Variants in ATXN1L observed in about 807,000 individuals in gnomAD.
The protein encoded by ATXN1L is ataxin 1 like.
Under a neutral mutation model 43.4 loss-of-function variants are expected in ATXN1L, and 8 were observed. The observed-to-expected ratio is 0.18, with a 90% CI of 0.11 to 0.33. The LOEUF (loss-of-function observed/expected upper bound fraction) is 0.33. Among genes scored for constraint, ATXN1L ranks in the 10% least tolerant of loss-of-function variants. The pLI is 1.00. For synonymous variants in ATXN1L, 379 were observed against 360.6 expected (o/e 1.05, Z -0.58); for missense variants, 856 against 885.4 (o/e 0.97, Z 0.42).
chr16:71,850,978 T>C lies in ATXN1L; in HGVS notation c.1238T>C (p.Met413Thr). ...PVKHRPLPKA[M>T]VVANGNLVPT... ...AAACATAGACCTTTACCCAAAGCAATGGTTGTAGCCAATGGCAACCTGGTG... is the reference window on the plus strand; with the variant it reads ...AAACATAGACCTTTACCCAAAGCAACGGTTGTAGCCAATGGCAACCTGGTG... Residue 413 changes from methionine (M) to threonine (T), a missense_variant, in exon 3 of 3, where the codon ATG (methionine) becomes ACG (threonine). By Grantham distance (81) the Met-to-Thr change is moderately conservative. Around this residue, in one of 7 missense-constraint regions of ATXN1L, gnomAD observed 490 missense variants for 449.4 expected, o/e 1.09. Transcript: ENST00000427980. 1.9e-6 allele frequency: 3 copies of C among 1,551,636 alleles called. No homozygotes were observed. The highest frequency in any genetic ancestry group is 2.6e-6 in the Non-Finnish European group (3 of 1,146,982).
Position 71,851,950 on chromosome 16 carries a change from A to G in ATXN1L, c.*140A>G, listed in dbSNP as rs956328245. On this transcript the variant is annotated 3_prime_UTR_variant, in exon 3 of 3. Transcript: ENST00000427980. The surrounding 1 kb of genome is among the most constrained non-coding windows in gnomAD (Gnocchi z 4.9). ...TGGGGGAAAGGGGAGGCATGAAGTCAGCCTCCCAAGGCAGGATCTGTTGTT... is the reference window on the plus strand; with the variant it reads ...TGGGGGAAAGGGGAGGCATGAAGTCGGCCTCCCAAGGCAGGATCTGTTGTT... The G allele has an allele frequency of 2.0e-6, 2 of 983,082 alleles. No homozygotes were observed. Among genetic ancestry groups the G allele is most frequent in the African/African-American group, 3.3e-5 (2 of 60,530 alleles). The allele number at this position is 983,082 out of a possible 1,614,324, so 60.9% of individuals were successfully genotyped here. A position where few individuals can be genotyped will look rare whatever the true frequency, so the allele number is the denominator to read the frequency against.
Position 71,851,057 on chromosome 16 carries a change from A to C in ATXN1L, c.1317A>C (p.Ala439=). 1 of 1,551,644 alleles carries C rather than the reference A, an allele frequency of 6.4e-7. No individual in the cohort carries two copies. The highest frequency in any genetic ancestry group is 8.7e-7 in the Non-Finnish European group (1 of 1,146,972). ...CTGTGGGCTCGGAGATCCTGGTAGC[A>C]TCAAGTCTGGACGTGCAGGCCAGAG... is the stretch of plus-strand genomic sequence containing the variant. ...LLPVGSEILV[A]SSLDVQARAT... is the part of the protein sequence containing the mutation. The change falls in exon 3 of 3, where the codon GCA becomes GCC. Residue 439 remains alanine, a synonymous_variant. Coordinates refer to ENST00000427980, the MANE Select transcript of ATXN1L (RefSeq NM_001137675.4). The surrounding 1 kb of genome is among the most constrained non-coding windows in gnomAD (Gnocchi z 4.9).
rs1233774735 is a variant in ATXN1L at position 71,855,585 on chromosome 16, C to T, written c.*3775C>T. ...AGGATGGTGGTGTGGTTTAAACCTG[C>T]AGCAAGCAGGCATGTTGAAGAGTTG... is the stretch of plus-strand genomic sequence containing the variant. On this transcript the variant is annotated 3_prime_UTR_variant, in exon 3 of 3. Transcript: ENST00000427980. The T allele has an allele frequency of 2.4e-5, 4 of 167,066 alleles. No homozygotes were observed. The highest frequency in any genetic ancestry group is 9.7e-5 in the African/African-American group (4 of 41,406). 10.3% of individuals were successfully genotyped at this position (167,066 alleles called of 1,614,324 possible).
chr16:71,849,599 T>C (rs2033477005), intron 2 of ATXN1L, 25 bp from the exon 3 acceptor site: 1 of 867,084 alleles, frequency 1.2e-6, no homozygotes, highest in Non-Finnish European at 1.7e-6. Context: ...TTACTTTTCT[T>C]TGCCTCTGAT....
In ATXN1L at chr16:71,851,873, G is replaced by A; in HGVS notation, c.*63G>A. The stretch of plus-strand genomic sequence containing the variant: ...AGCCTCGCCTCGCCGCCGTGAGCAG[G>A]CAGAGGATTTGCACACGCCGAGCAG... On this transcript the variant is annotated 3_prime_UTR_variant, in exon 3 of 3. Transcript: ENST00000427980. This position sits in a 1 kb window ranked among gnomAD's most constrained non-coding sequence, Gnocchi z 4.9. 1 of 1,380,488 alleles carries A rather than the reference G, an allele frequency of 7.2e-7. No individual in the cohort carries two copies. 85.5% of individuals were successfully genotyped at this position (1,380,488 alleles called of 1,614,324 possible).
chr16:71,850,878 G>T lies in ATXN1L; in HGVS notation c.1138G>T (p.Ala380Ser), dbSNP rs1313535383. 2.6e-5 allele frequency: 40 copies of T among 1,551,612 alleles called. No individual in the cohort carries two copies. Among genetic ancestry groups the T allele is most frequent in the Non-Finnish European group, 3.3e-5 (38 of 1,147,006 alleles). The change falls in exon 3 of 3, where the codon GCC (alanine) becomes TCC (serine). Residue 380 changes from alanine to serine, a missense_variant. Ala to Ser is a moderately conservative substitution (Grantham distance 99). Coordinates refer to ENST00000427980, the MANE Select transcript of ATXN1L (RefSeq NM_001137675.4). ...PDHQGEGRGS[A>S]RNPAELAEKS... ...CCATCAGGGTGAGGGGCGAGGGTCA[G>T]CCAGGAACCCTGCAGAGCTGGCAGA...
Position 71,850,737 on chromosome 16 carries a change from A to G in ATXN1L, c.997A>G (p.Thr333Ala). ...AAPAHRGTPD[T>A]DLEVQRVVGA... ...ACCAGCACACCGGGGGACCCCGGAC[A>G]CTGACCTTGAGGTCCAGCGGGTGGT... is the stretch of plus-strand genomic sequence containing the variant. Residue 333 changes from threonine (T) to alanine (A), a missense_variant, in exon 3 of 3, where the codon ACT becomes GCT. Physicochemically the swap from Thr to Ala is moderately conservative, Grantham distance 58. Coordinates refer to ENST00000427980, the MANE Select transcript of ATXN1L (RefSeq NM_001137675.4). 1 of 1,551,700 alleles carries G rather than the reference A, an allele frequency of 6.4e-7. No individual in the cohort carries two copies. Among genetic ancestry groups the G allele is most frequent in the Non-Finnish European group, 8.7e-7 (1 of 1,147,008 alleles).
intron 1 of ATXN1L, among the ~76,000 whole-genome samples, chr16:71,847,191 A>T (rs543696858): frequency 6.6e-6 from 1 of 152,256 alleles, no homozygotes; most frequent in Non-Finnish European, 1.5e-5. Context: ...CAGGATAGTC[A>T]GTTTCTCAGA....
At position 71,853,478 on chromosome 16, in the gene ATXN1L, A is replaced by G. The variant is rs16973477; in HGVS notation, c.*1668A>G. ...ACTTCTCCCAGGCTATGATCCTGGC[A>G]TGTCCTTTATAAGGTATACTTGGAT... is the stretch of plus-strand genomic sequence containing the variant. On this transcript the variant is annotated 3_prime_UTR_variant, in exon 3 of 3. Coordinates refer to ENST00000427980, the MANE Select transcript of ATXN1L (RefSeq NM_001137675.4). 26,229 of 167,006 alleles carry G rather than the reference A, an allele frequency of 0.16. 2,418 individuals carry two copies. The highest frequency in any genetic ancestry group is 0.42 in the South Asian group (2,040 of 4,816). The allele number at this position is 167,006 out of a possible 1,614,324, so 10.3% of individuals were successfully genotyped here.
Position 71,851,545 on chromosome 16 carries a change from G to T in ATXN1L, c.1805G>T (p.Gly602Val). The change falls in exon 3 of 3, where the codon GGT becomes GTT. Residue 602 changes from glycine to valine, a missense_variant. Physicochemically the swap from Gly to Val is moderately radical, Grantham distance 109. This residue lies in a region of ATXN1L where 185 missense variants were observed against 176.8 expected (regional missense o/e 1.05). Transcript: ENST00000427980. The surrounding 1 kb of genome is among the most constrained non-coding windows in gnomAD (Gnocchi z 4.9). Reference protein sequence around the residue: ...QASCAPPSQLGPPRERPERTV... With the variant: ...QASCAPPSQLVPPRERPERTV... ...AGCTGTGCTCCCCCAAGCCAGCTGGGTCCCCCCCGAGAAAGGCCTGAGAGG... is the reference window on the plus strand; with the variant it reads ...AGCTGTGCTCCCCCAAGCCAGCTGGTTCCCCCCCGAGAAAGGCCTGAGAGG... 6.4e-7 allele frequency: 1 copy of T among 1,551,566 alleles called. No individual in the cohort carries two copies. The highest frequency in any genetic ancestry group is 8.7e-7 in the Non-Finnish European group (1 of 1,146,956).
chr16:71,853,539 C>CTGAGGTCTGAGGCATGAGGAGTCCAG lies in ATXN1L; in HGVS notation c.*1730_*1731insGAGGTCTGAGGCATGAGGAGTCCAGT, dbSNP rs2033525626. The CTGAGGTCTGAGGCATGAGGAGTCCAG allele has an allele frequency of 6.0e-6, 1 of 167,116 alleles. No individual in the cohort carries two copies. The highest frequency in any genetic ancestry group is 2.4e-5 in the African/African-American group (1 of 41,440). The allele number at this position is 167,116 out of a possible 1,614,324, so 10.4% of individuals were successfully genotyped here. ...CTGGCCTGGCATCAGGAGTCCAAAC[C>CTGAGGTCTGAGGCATGAGGAGTCCAG]TCTGAGGTCTGATCTCTGCTCTGTC... On this transcript the variant is annotated 3_prime_UTR_variant, in exon 3 of 3. Transcript: ENST00000427980.
Position 71,849,924 on chromosome 16 carries a change from A to C in ATXN1L, c.184A>C (p.Ser62Arg). Residue 62 changes from serine (S) to arginine (R), a missense_variant, in exon 3 of 3, where the codon AGC (serine) becomes CGC (arginine). Coordinates refer to ENST00000427980, the MANE Select transcript of ATXN1L (RefSeq NM_001137675.4). ...GCAGAGCCAGGCAGGAGCCAGAGTC[A>C]GCCTGGGGGGTGATGGAGCTGAGGC... ...AGQSQAGARV[S>R]LGGDGAEAIT... 5 of 1,551,132 alleles carry C rather than the reference A, an allele frequency of 3.2e-6. No individual in the cohort carries two copies. The highest frequency in any genetic ancestry group is 4.4e-6 in the Non-Finnish European group (5 of 1,146,580).
At position 71,850,357 on chromosome 16, in the gene ATXN1L, C is replaced by T; in HGVS notation, c.617C>T (p.Ser206Phe). ...TTTAACAAAGCTCCCTCTGCCACCT[C>T]CCCATCTGGGCAATTGCCACATCAT... ...HSFNKAPSAT[S>F]PSGQLPHHSS... Residue 206 changes from serine (S) to phenylalanine (F), a missense_variant, in exon 3 of 3, where the codon TCC becomes TTC. Physicochemically the swap from Ser to Phe is radical, Grantham distance 155 (BLOSUM62 -2). Coordinates refer to ENST00000427980, the MANE Select transcript of ATXN1L (RefSeq NM_001137675.4). 1.3e-6 allele frequency: 2 copies of T among 1,551,742 alleles called. No homozygotes were observed. The highest frequency in any genetic ancestry group is 1.4e-5 in the African/African-American group (1 of 73,172).
At position 71,849,947 on chromosome 16, in the gene ATXN1L, G is replaced by A; in HGVS notation, c.207G>A (p.Glu69=). The A allele has an allele frequency of 6.4e-7, 1 of 1,551,458 alleles. No individual in the cohort carries two copies. Among genetic ancestry groups the A allele is most frequent in the Non-Finnish European group, 8.7e-7 (1 of 1,146,844 alleles). The part of the protein sequence containing the change: ...ARVSLGGDGA[E]AITGLTVDQY... ...TCAGCCTGGGGGGTGATGGAGCTGAGGCCATCACCGGTCTGACAGTGGACC... is the reference window on the plus strand; with the variant it reads ...TCAGCCTGGGGGGTGATGGAGCTGAAGCCATCACCGGTCTGACAGTGGACC... Residue 69 remains glutamate, a synonymous_variant, in exon 3 of 3, where the codon GAG becomes GAA. Coordinates refer to ENST00000427980, the MANE Select transcript of ATXN1L (RefSeq NM_001137675.4).
Position 71,850,299 on chromosome 16 carries a change from C to G in ATXN1L, c.559C>G (p.Pro187Ala). The change falls in exon 3 of 3, where the codon CCT becomes GCT. Residue 187 changes from proline to alanine, a missense_variant. Pro to Ala is a conservative substitution (Grantham distance 27). Coordinates refer to ENST00000427980, the MANE Select transcript of ATXN1L (RefSeq NM_001137675.4). ...CTCACTTCTGGCTGAAGGAGCCACT[C>G]CTCCCCCACAGGCTCCCTCCCCGGC... ...YASLLAEGATPPPQAPSPAHS... is the reference protein window; with the variant it reads ...YASLLAEGATAPPQAPSPAHS... 1 of 1,551,724 alleles carries G rather than the reference C, an allele frequency of 6.4e-7. No individual in the cohort carries two copies. The highest frequency in any genetic ancestry group is 8.7e-7 in the Non-Finnish European group (1 of 1,146,984).
In ATXN1L at chr16:71,852,932, T is replaced by C. The variant is rs1348426010; in HGVS notation, c.*1122T>C. ...TCCCCTTCAGCTATAATCTCTATTT[T>C]TAAAATCTCAAAATCATGTCCCCTC... On this transcript the variant is annotated 3_prime_UTR_variant, in exon 3 of 3. Transcript: ENST00000427980. 6.0e-6 allele frequency: 1 copy of C among 167,134 alleles called. No homozygotes were observed. The allele number at this position is 167,134 out of a possible 1,614,324, so 10.4% of individuals were successfully genotyped here. A position where few individuals can be genotyped will look rare whatever the true frequency, so the allele number is the denominator to read the frequency against.
rs906566178 is a variant in ATXN1L at position 71,850,538 on chromosome 16, T to A, written c.798T>A (p.Ala266=). The part of the protein sequence containing the change: ...PQESQSALEA[A]AANGGQRPRE... ...AGAGCCAGTCTGCTCTGGAAGCAGC[T>A]GCTGCAAATGGAGGACAGAGACCAC... The change falls in exon 3 of 3, where the codon GCT becomes GCA. Residue 266 remains alanine, a synonymous_variant. Coordinates refer to ENST00000427980, the MANE Select transcript of ATXN1L (RefSeq NM_001137675.4). The A allele has an allele frequency of 6.4e-7, 1 of 1,551,592 alleles. No individual in the cohort carries two copies. Among genetic ancestry groups the A allele is most frequent in the African/African-American group, 1.4e-5 (1 of 73,026 alleles).
intron 2 of ATXN1L, among the ~76,000 whole-genome samples, 200 bp from the exon 3 acceptor site, chr16:71,849,424 G>C (rs1215228063): frequency 6.6e-6 from 1 of 152,078 alleles, no homozygotes; most frequent in Non-Finnish European, 1.5e-5. Flanking sequence ...TTTGTGCCTT[G>C]TGATTTCCCC....
At chr16:71,847,121 TAAGAG>T (rs902607778) in intron 1 of ATXN1L, among the ~76,000 whole-genome samples, 4 of 152,240 alleles carry the variant, frequency 2.6e-5, no homozygotes, top group African/African-American at 9.6e-5. Context: ...TTGCCAATCT[TAAGAG>T]AGAAATGTTG....
Sources: gnomAD v4.1 joint callset for allele counts (sites outside exome capture counted in the v4.1 genomes callset) on GRCh38, gnomAD v4.1.1 for gene constraint, gnomAD v4.1.1 regional missense constraint, Gnocchi (gnomAD v3.1) non-coding constraint, MANE v1.5 for transcripts, NCBI Gene and HGNC (gene_info 2026-07-23, HGNC 2026-07-21) for gene names.